ARHGAP22: variants seen among roughly 807,000 people sequenced by gnomAD.
ARHGAP22 encodes the protein Rho GTPase activating protein 22, also known as rho GTPase-activating protein 22.
A neutral mutation model predicts 59.1 loss-of-function variants in ARHGAP22; 48 were observed. The ratio of observed to expected loss-of-function variants is 0.81; its 90% CI spans 0.64 to 1.03. ARHGAP22 has a LOEUF of 1.03. Ranked by LOEUF, ARHGAP22 falls within the 50% of genes least tolerant of loss-of-function variation. The pLI is 0.00. For synonymous variants in ARHGAP22, 445 were observed against 416.4 expected, an observed-to-expected ratio of 1.07 and a Z score of -0.84; for missense variants, 1,015 against 958.7, an observed-to-expected ratio of 1.06 and a Z score of -0.78.
chr10:48,637,656 AGATG>A (rs1386914856), intron 1 of ARHGAP22, among the ~76,000 whole-genome samples: 5 of 151,636 alleles, frequency 3.3e-5, no homozygotes, highest in Admixed American at 6.6e-5. Flanking sequence ...ATAGATGGAT[AGATG>A]GATGGTGGAT....
chr10:48,585,770 G>C (rs931474908), intron 1 of ARHGAP22, among the ~76,000 whole-genome samples: 1 of 152,216 alleles, frequency 6.6e-6, no homozygotes, highest in Admixed American at 6.5e-5. Flanking sequence ...GGGGTTGAAT[G>C]CTCTAGCCTT....
At chr10:48,556,655 C>T (rs1205304366) in intron 2 of ARHGAP22, 1 of 152,200 alleles carries the variant, frequency 6.6e-6, no homozygotes, top group African/African-American at 2.4e-5. Context: ...TAATAAAGTA[C>T]TTTGTAGGGA....
chr10:48,562,297 C>T (rs904311287), intron 2 of ARHGAP22, among the ~76,000 whole-genome samples: 3 of 146,334 alleles, frequency 2.1e-5, no homozygotes, highest in African/African-American at 7.6e-5. Context: ...CTACATATAC[C>T]CAAGAGAAAT....
intron 4 of ARHGAP22, among the ~76,000 whole-genome samples, chr10:48,476,635 C>G (rs892589519): frequency 6.6e-6 from 1 of 152,164 alleles, no homozygotes; most frequent in African/African-American, 2.4e-5. Context: ...GAGATAAGCG[C>G]CTTTGATGGC....
intron 2 of ARHGAP22, among the ~76,000 whole-genome samples, chr10:48,556,028 G>A (rs910128497): frequency 1.3e-5 from 2 of 152,166 alleles, no homozygotes; most frequent in African/African-American, 2.4e-5. Flanking sequence ...TGAGATAGGA[G>A]TCAGTTACCA....
intron 3 of ARHGAP22, 37 bp from the exon 4 acceptor site, chr10:48,479,801 C>T: frequency 6.6e-7 from 1 of 1,521,980 alleles, no homozygotes; most frequent in Non-Finnish European, 8.8e-7. Flanking sequence ...CGCAGGGTCC[C>T]TGCCCGCAGC....
At chr10:48,484,384 T>C (rs1207334796) in intron 3 of ARHGAP22, among the ~76,000 whole-genome samples, 5 of 152,260 alleles carry the variant, frequency 3.3e-5, no homozygotes, top group African/African-American at 1.2e-4. Context: ...TATATATTGT[T>C]GTTTTGATTT....
At chr10:48,640,290 A>G (rs536863597) in intron 1 of ARHGAP22, among the ~76,000 whole-genome samples, 1 of 152,302 alleles carries the variant, frequency 6.6e-6, no homozygotes, top group African/African-American at 2.4e-5. Flanking sequence ...GGAGACAAAA[A>G]AGAAAAAGAC....
intron 3 of ARHGAP22, among the ~76,000 whole-genome samples, chr10:48,542,770 A>G (rs1010020724): frequency 6.6e-6 from 1 of 152,180 alleles, no homozygotes; most frequent in Non-Finnish European, 1.5e-5. Flanking sequence ...TCCCCAATCC[A>G]GGTGCCTAGT....
At chr10:48,550,448 C>T (rs1268644957) in intron 3 of ARHGAP22, among the ~76,000 whole-genome samples, 1 of 152,204 alleles carries the variant, frequency 6.6e-6, no homozygotes, top group African/African-American at 2.4e-5. Flanking sequence ...GACTCCATTT[C>T]CCAGACTCTC....
intron 3 of ARHGAP22, among the ~76,000 whole-genome samples, chr10:48,540,039 G>C (rs1018523766): frequency 1.3e-5 from 2 of 152,214 alleles, no homozygotes; most frequent in African/African-American, 4.8e-5. Flanking sequence ...CCTCAGATCT[G>C]GGGAGAGGCT....
At chr10:48,479,842 T>A in intron 3 of ARHGAP22, 78 bp from the exon 4 acceptor site, 1 of 1,386,300 alleles carries the variant, frequency 7.2e-7, no homozygotes, top group Admixed American at 2.6e-5. Context: ...TAGTCAGCAT[T>A]ACTCCCTGTG....
chr10:48,527,468 G>A (rs1382574633), intron 3 of ARHGAP22, among the ~76,000 whole-genome samples: 1 of 125,930 alleles, frequency 7.9e-6, no homozygotes, highest in Non-Finnish European at 1.8e-5. Context: ...TGAATAGATG[G>A]ATGGATGGGT....
rs142553328 is a variant in ARHGAP22, at chr10:48,494,078, T to A, written c.323-14314A>T. Among the ~76,000 whole-genome samples the A allele has an allele frequency of 3.9e-5, 6 of 152,194 alleles. No homozygotes were observed. In the East Asian group the frequency reaches 1.2e-3, roughly 29 times the overall value. ...CCACCTCCCAGGACTGTGGTGAAGA[T>A]GGAATGAGACCAAGAAGCCAGAGGC... On this transcript the variant is annotated intron_variant, in intron 3 of 9. Coordinates refer to ENST00000249601, the MANE Select transcript of ARHGAP22 (RefSeq NM_021226.4).
chr10:48,496,569 G>A (rs1056980146), intron 3 of ARHGAP22, among the ~76,000 whole-genome samples: 2 of 152,170 alleles, frequency 1.3e-5, no homozygotes, highest in Admixed American at 1.3e-4. Flanking sequence ...AGGGCTGCCT[G>A]TTCTGGCCGC....
At chr10:48,620,910 A>G (rs887194713) in intron 1 of ARHGAP22, among the ~76,000 whole-genome samples, 2 of 152,210 alleles carry the variant, frequency 1.3e-5, no homozygotes, top group Non-Finnish European at 2.9e-5. Flanking sequence ...TTGCTGCTTC[A>G]CCTTCCTCAG....
At chr10:48,495,821 T>G (rs2050865971) in intron 3 of ARHGAP22, among the ~76,000 whole-genome samples, 1 of 152,216 alleles carries the variant, frequency 6.6e-6, no homozygotes, top group African/African-American at 2.4e-5. Flanking sequence ...TTGCTGGCTG[T>G]GTTGAGGCAG....
intron 3 of ARHGAP22, among the ~76,000 whole-genome samples, chr10:48,537,829 A>G (rs1014586155): frequency 6.6e-6 from 1 of 152,152 alleles, no homozygotes; most frequent in Non-Finnish European, 1.5e-5. Context: ...TGCTGCATGG[A>G]TGGAGGTGCT....
intron 3 of ARHGAP22, among the ~76,000 whole-genome samples, chr10:48,490,934 A>C (rs764074832): frequency 6.6e-6 from 1 of 152,156 alleles, no homozygotes; most frequent in Non-Finnish European, 1.5e-5. Context: ...CATTCCTCTC[A>C]GCAAATTCTA....
Sources: gnomAD v4.1 joint callset for allele counts (sites outside exome capture counted in the v4.1 genomes callset) on GRCh38, gnomAD v4.1.1 for gene constraint, MANE v1.5 for transcripts, NCBI Gene and HGNC (gene_info 2026-07-23, HGNC 2026-07-21) for gene names.